Variants in SH3RF2 observed in about 807,000 individuals in gnomAD.
SH3RF2 encodes E3 ubiquitin-protein ligase SH3RF2.
Under a neutral mutation model 59.0 loss-of-function variants are expected in SH3RF2, and 43 were observed. The ratio of observed to expected loss-of-function variants is 0.73; its 90% CI spans 0.57 to 0.94. SH3RF2 has a LOEUF of 0.94. SH3RF2 is among the 40% of genes least tolerant of loss of function. The pLI, the probability that SH3RF2 is intolerant of heterozygous loss-of-function variation, is 0.00. For missense variants in SH3RF2, 930 were observed against 940.1 expected (o/e 0.99, Z 0.14); for synonymous variants, 391 against 391.5 (o/e 1.00, Z 0.01).
At chr5:146,053,986 G>T (rs915962925) in intron 7 of SH3RF2, among the ~76,000 whole-genome samples, 1 of 152,158 alleles carries the variant, frequency 6.6e-6, no homozygotes, top group African/African-American at 2.4e-5. Flanking sequence ...AGAAAAGGAC[G>T]CAGGGACCTG....
chr5:146,060,817 G>A (rs895924584), intron 9 of SH3RF2, among the ~76,000 whole-genome samples: 26 of 152,200 alleles, frequency 1.7e-4, no homozygotes, highest in African/African-American at 6.3e-4. Flanking sequence ...TGTGGCAGAC[G>A]TCAGATCTGT....
chr5:146,067,751 A>G (rs991341955), downstream of SH3RF2, among the ~76,000 whole-genome samples: 1 of 151,474 alleles, frequency 6.6e-6, no homozygotes, highest in Non-Finnish European at 1.5e-5. Flanking sequence ...ATAGGTGAAC[A>G]GTGGATGCTC....
At chr5:146,037,706 C>T (rs1761987527) in intron 5 of SH3RF2, among the ~76,000 whole-genome samples, 1 of 152,230 alleles carries the variant, frequency 6.6e-6, no homozygotes, top group Admixed American at 6.5e-5. Flanking sequence ...TCTTCCTATA[C>T]AGAAAACTCC....
chr5:146,028,177 C>T (rs1282510224), intron 5 of SH3RF2, among the ~76,000 whole-genome samples: 4 of 75,398 alleles, frequency 5.3e-5, no homozygotes, highest in African/African-American at 1.2e-4. Context: ...CACACACACA[C>T]ACACACACAC....
chr5:145,968,709 A>G (rs1421997368), intron 2 of SH3RF2, among the ~76,000 whole-genome samples: 6 of 152,262 alleles, frequency 3.9e-5, no homozygotes, highest in African/African-American at 1.2e-4. Flanking sequence ...TACATTTTTT[A>G]TAGTAAGTCT....
In SH3RF2 at chr5:146,062,797, G is replaced by T; in HGVS notation, c.*96G>T. 2.7e-6 allele frequency: 4 copies of T among 1,481,782 alleles called. No individual in the cohort carries two copies. The highest frequency in any genetic ancestry group is 3.6e-6 in the Non-Finnish European group (4 of 1,105,110). The allele number at this position is 1,481,782 out of a possible 1,614,324, so 91.8% of individuals were successfully genotyped here. A position where few individuals can be genotyped will look rare whatever the true frequency, so the allele number is the denominator to read the frequency against. ...GCATCCTGCCATTCTTTGGGGACTTGAGCATGGGTCCTTGTTCTTCCTATT... is the reference window on the plus strand; with the variant it reads ...GCATCCTGCCATTCTTTGGGGACTTTAGCATGGGTCCTTGTTCTTCCTATT... On this transcript the variant is annotated 3_prime_UTR_variant, in exon 10 of 10. Coordinates refer to ENST00000359120, the MANE Select transcript of SH3RF2 (RefSeq NM_152550.4).
At chr5:145,965,384 A>G (rs553762090) in intron 2 of SH3RF2, among the ~76,000 whole-genome samples, 1 of 152,078 alleles carries the variant, frequency 6.6e-6, no homozygotes, top group African/African-American at 2.4e-5. Context: ...CTGGGGCTTT[A>G]TTAGGCCCAG....
intron 2 of SH3RF2, among the ~76,000 whole-genome samples, chr5:145,990,038 G>A (rs112948820): frequency 5.9e-5 from 9 of 152,192 alleles, no homozygotes; most frequent in Non-Finnish European, 1.2e-4. Context: ...CCAGTTTCAA[G>A]TGTCAAAAAA....
intron 5 of SH3RF2, among the ~76,000 whole-genome samples, chr5:146,044,607 TTG>T (rs1762242877): frequency 1.3e-5 from 2 of 152,320 alleles, no homozygotes; most frequent in South Asian, 4.1e-4. Context: ...TATGAATGTA[TTG>T]TGAGAGTTTC....
chr5:145,962,964 C>T (rs1435914909), intron 2 of SH3RF2, among the ~76,000 whole-genome samples: 1 of 131,158 alleles, frequency 7.6e-6, no homozygotes, highest in East Asian at 2.4e-4. Flanking sequence ...GTGGCGCAAT[C>T]TTGGCTCACT....
chr5:146,044,635 T>TCTCCCTCTCTTCTCCTTCCTTC (rs1457508099), intron 5 of SH3RF2, among the ~76,000 whole-genome samples: 2 of 152,140 alleles, frequency 1.3e-5, no homozygotes, highest in Non-Finnish European at 2.9e-5. Flanking sequence ...ACTGTTTTTA[T>TCTCCCTCTCTTCTCCTTCCTTC]CTCCCTCTCT....
chr5:145,981,238 G>A (rs1353634922), intron 2 of SH3RF2, among the ~76,000 whole-genome samples: 1 of 151,978 alleles, frequency 6.6e-6, no homozygotes, highest in Non-Finnish European at 1.5e-5. Flanking sequence ...AACACTACAA[G>A]CATATGCCAC....
chr5:146,052,781 TC>T (rs1355041053), intron 7 of SH3RF2, among the ~76,000 whole-genome samples: 26 of 152,206 alleles, frequency 1.7e-4, no homozygotes, highest in African/African-American at 6.3e-4. Flanking sequence ...GTTTACTTCT[TC>T]CCATGTCTCA....
At chr5:146,016,397 TGG>T (rs1491089773) in intron 5 of SH3RF2, among the ~76,000 whole-genome samples, 3 of 151,594 alleles carry the variant, frequency 2.0e-5, no homozygotes, top group African/African-American at 7.3e-5. Flanking sequence ...GATGGATGGA[TGG>T]ATGGATAGAT....
At chr5:145,978,046 C>T (rs1759360958) in intron 2 of SH3RF2, among the ~76,000 whole-genome samples, 1 of 152,172 alleles carries the variant, frequency 6.6e-6, no homozygotes, top group Admixed American at 6.5e-5. Flanking sequence ...CATTCATAAG[C>T]ATTTATTGAG....
chr5:146,023,294 C>T (rs1399504519), intron 5 of SH3RF2, among the ~76,000 whole-genome samples: 2 of 151,996 alleles, frequency 1.3e-5, no homozygotes. Context: ...CTGCGACCTC[C>T]GCCTCCCAGG....
At chr5:146,066,476 A>T (rs1416562196), downstream of SH3RF2, among the ~76,000 whole-genome samples, 1 of 152,196 alleles carries the variant, frequency 6.6e-6, no homozygotes, top group Non-Finnish European at 1.5e-5. Context: ...TGAACACCTA[A>T]TAAATTTTAG....
chr5:145,959,459 G>A (rs1758541584), intron 2 of SH3RF2, among the ~76,000 whole-genome samples: 1 of 152,064 alleles, frequency 6.6e-6, no homozygotes, highest in East Asian at 1.9e-4. Flanking sequence ...GAGCCTATAA[G>A]GACCCAGATA....
rs532100510 is a variant in SH3RF2 at position 146,020,946 on chromosome 5, G to A, written c.1059+6885G>A. Among the ~76,000 whole-genome samples, 10 of 152,182 alleles carry A rather than the reference G, an allele frequency of 6.6e-5. 1 individual carries two copies. The South Asian group carries it at 2.1e-3, about 32-fold the overall frequency. On this transcript the variant is annotated intron_variant, in intron 5 of 9. Transcript: ENST00000359120. ...GGAAGATGAGCTGTCACGAGCCTTG[G>A]GGAATTCTGAGGTCTATAAAGCTGA...
Sources: allele counts gnomAD v4.1 joint callset (sites outside exome capture counted in the v4.1 genomes callset), GRCh38; gene constraint gnomAD v4.1.1; transcripts MANE v1.5; gene names NCBI Gene and HGNC (gene_info 2026-07-23, HGNC 2026-07-21).